The following COP1 variants were observed in gnomAD, a reference collection of about 807,000 sequenced individuals.
The protein encoded by COP1 is E3 ubiquitin-protein ligase COP1.
In COP1, 24 loss-of-function variants were observed where a neutral mutation model predicts 101.3. The observed-to-expected ratio is 0.24, with a 90% CI of 0.17 to 0.33. COP1 has a LOEUF of 0.33. Ranked by LOEUF, COP1 falls within the 10% of genes least tolerant of loss-of-function variation. The pLI is 1.00. For synonymous variants in COP1, 347 were observed against 341.9 expected, an observed-to-expected ratio of 1.01 and a Z score of -0.17; for missense variants, 663 against 906.2, an observed-to-expected ratio of 0.73 and a Z score of 3.45.
intron 11 of COP1, among the ~76,000 whole-genome samples, chr1:176,054,888 C>T (rs561744309): frequency 2.2e-4 from 33 of 152,196 alleles, no homozygotes; most frequent in Non-Finnish European, 3.5e-4. Context: ...CATAACCTCT[C>T]CTCTCGTTCT....
At chr1:175,963,234 A>G (rs1651599148) in intron 18 of COP1, among the ~76,000 whole-genome samples, 1 of 152,124 alleles carries the variant, frequency 6.6e-6, no homozygotes, top group Admixed American at 6.5e-5. Context: ...CCTACAGAAG[A>G]AGGTCTAAAC....
intron 9 of COP1, chr1:176,100,432 T>A (rs1454476519): frequency 6.6e-6 from 1 of 151,746 alleles, no homozygotes; most frequent in African/African-American, 2.4e-5. Flanking sequence ...ATAAATTATA[T>A]TTCAAGACTT....
At chr1:176,158,630 CTT>C (rs35518162) in intron 5 of COP1, among the ~76,000 whole-genome samples, 180 of 79,290 alleles carry the variant, frequency 2.3e-3, no homozygotes, top group African/African-American at 6.9e-3. Flanking sequence ...TTTTAAGGTT[CTT>C]TTTTTTTTTT....
intron 15 of COP1, among the ~76,000 whole-genome samples, chr1:176,008,527 CTT>C (rs1663987438): frequency 6.6e-6 from 1 of 152,016 alleles, no homozygotes; most frequent in South Asian, 2.1e-4. Context: ...TCCTTTAACT[CTT>C]TGTGGTTTAA....
chr1:176,147,443 T>C (rs1691737788), intron 6 of COP1, among the ~76,000 whole-genome samples: 1 of 152,116 alleles, frequency 6.6e-6, no homozygotes. Flanking sequence ...TCAAAGTCAA[T>C]CACAGATATA....
At chr1:175,997,169 A>T (rs1319887571) in intron 15 of COP1, among the ~76,000 whole-genome samples, 3 of 150,512 alleles carry the variant, frequency 2.0e-5, no homozygotes, top group Admixed American at 2.0e-4. Context: ...TATTTAATAA[A>T]TGGTGCTGGG....
In COP1 at chr1:176,048,609, A is replaced by G. The variant is rs574874646; in HGVS notation, c.1278-2285T>C. Among the ~76,000 whole-genome samples, 7 of 152,322 alleles carry G rather than the reference A, an allele frequency of 4.6e-5. No individual in the cohort carries two copies. The South Asian group carries it at 1.0e-3, about 23-fold the overall frequency. On this transcript the variant is annotated intron_variant, in intron 11 of 19. Transcript: ENST00000367669. ...AATACTACTTTATCTGGTAAAGGACAGAGTTATTATCAGAACTGAAATCCT... is the reference window on the plus strand; with the variant it reads ...AATACTACTTTATCTGGTAAAGGACGGAGTTATTATCAGAACTGAAATCCT...
intron 9 of COP1, among the ~76,000 whole-genome samples, chr1:176,086,798 C>A (rs529904837): frequency 6.6e-6 from 1 of 152,278 alleles, no homozygotes; most frequent in Admixed American, 6.5e-5. Flanking sequence ...CCCACATTGC[C>A]AAGACAATCC....
chr1:176,004,143 C>A (rs1343102304), intron 15 of COP1, among the ~76,000 whole-genome samples: 1 of 151,276 alleles, frequency 6.6e-6, no homozygotes. Flanking sequence ...CATGATTCGG[C>A]TCTCTGTTTG....
At chr1:175,991,622 C>T (rs1658488480) in intron 15 of COP1, among the ~76,000 whole-genome samples, 1 of 152,184 alleles carries the variant, frequency 6.6e-6, no homozygotes, top group Non-Finnish European at 1.5e-5. Context: ...AGCTTTTTGA[C>T]TCTTGTAATA....
At chr1:176,071,848 T>A (rs1272123362) in intron 11 of COP1, among the ~76,000 whole-genome samples, 13 of 152,218 alleles carry the variant, frequency 8.5e-5, no homozygotes, top group Non-Finnish European at 1.5e-5. Context: ...AATGCTTGTT[T>A]TGTGGATATG....
chr1:176,131,828 T>C (rs1377720347), intron 8 of COP1, among the ~76,000 whole-genome samples: 1 of 151,872 alleles, frequency 6.6e-6, no homozygotes, highest in Non-Finnish European at 1.5e-5. Flanking sequence ...CTCTCAATCC[T>C]TGAGTGATAT....
chr1:176,053,106 A>T (rs973684057), intron 11 of COP1, among the ~76,000 whole-genome samples: 8 of 152,174 alleles, frequency 5.3e-5, no homozygotes, highest in Admixed American at 2.0e-4. Context: ...AAATATGTGC[A>T]CTTTTCTATT....
At chr1:176,157,067 G>A (rs1158085280) in intron 5 of COP1, among the ~76,000 whole-genome samples, 10 of 151,956 alleles carry the variant, frequency 6.6e-5, no homozygotes, top group Non-Finnish European at 1.0e-4. Flanking sequence ...GGGGGGTGGT[G>A]TGTGCCAGTA....
At chr1:176,068,819 T>C (rs765987350) in intron 11 of COP1, among the ~76,000 whole-genome samples, 1 of 152,204 alleles carries the variant, frequency 6.6e-6, no homozygotes, top group East Asian at 1.9e-4. Flanking sequence ...CCACGTTTTA[T>C]CCAGAGGAAA....
At chr1:176,052,535 C>G (rs1052473660) in intron 11 of COP1, among the ~76,000 whole-genome samples, 1 of 152,126 alleles carries the variant, frequency 6.6e-6, no homozygotes. Flanking sequence ...TCCCCATTTA[C>G]TACTATGTAA....
chr1:176,127,254 A>T, intron 8 of COP1, among the ~76,000 whole-genome samples: 1 of 152,166 alleles, frequency 6.6e-6, no homozygotes, highest in Non-Finnish European at 1.5e-5. Context: ...ACAATTTATT[A>T]TTATTAATTA....
At chr1:175,990,428 C>A (rs1164951102) in intron 15 of COP1, among the ~76,000 whole-genome samples, 1 of 152,104 alleles carries the variant, frequency 6.6e-6, no homozygotes, top group South Asian at 2.1e-4. Context: ...GAGACTGTTA[C>A]TAACACTTGC....
chr1:176,005,622 TCAGGAG>T (rs1198922736), intron 15 of COP1, among the ~76,000 whole-genome samples: 2 of 152,214 alleles, frequency 1.3e-5, no homozygotes, highest in Non-Finnish European at 2.9e-5. Context: ...CAGTAGTCAT[TCAGGAG>T]CAGGTTGTTC....
Sources: allele counts gnomAD v4.1 joint callset (sites outside exome capture counted in the v4.1 genomes callset), GRCh38; gene constraint gnomAD v4.1.1; transcripts MANE v1.5; gene names NCBI Gene and HGNC (gene_info 2026-07-23, HGNC 2026-07-21).